NIPAL1: variants seen among roughly 807,000 people sequenced by gnomAD.
NIPAL1 encodes the protein NIPA like domain containing 1.
In NIPAL1, 35 loss-of-function variants were observed where a neutral mutation model predicts 37.7. That is an observed-to-expected ratio of 0.93 (90% CI 0.71 to 1.23). The LOEUF (loss-of-function observed/expected upper bound fraction) is 1.23. Ranked by LOEUF, NIPAL1 falls within the 50% of genes most tolerant of loss-of-function variation. The probability of loss-of-function intolerance (pLI) is 0.00; values close to 1 mark genes in which losing one functional copy is unlikely to be tolerated. For missense variants in NIPAL1, 412 were observed against 473.9 expected (o/e 0.87, Z 1.21); for synonymous variants, 162 against 183.0 (o/e 0.89, Z 0.93).
rs1238664690 is a variant in NIPAL1 at position 48,027,257 on chromosome 4, A to G, written c.313+1923A>G. 6.6e-6 allele frequency among the ~76,000 whole-genome samples: 1 copy of G among 152,208 alleles called. No individual in the cohort carries two copies. Among genetic ancestry groups the G allele is most frequent in the Non-Finnish European group, 1.5e-5 (1 of 68,026 alleles). ...CAATAAGTAAAAAGGTTAGTACCCT[A>G]ACAGAAAATAGACATGGCATATAAA... On this transcript the variant is annotated intron_variant, in intron 2 of 5. Coordinates refer to ENST00000295461, the MANE Select transcript of NIPAL1 (RefSeq NM_207330.3). The surrounding 1 kb of genome is among the most constrained non-coding windows in gnomAD (Gnocchi z 4.1).
intron 1 of NIPAL1, among the ~76,000 whole-genome samples, chr4:48,024,208 A>T (rs1715635078): frequency 6.6e-6 from 1 of 151,268 alleles, no homozygotes; most frequent in Non-Finnish European, 1.5e-5. Flanking sequence ...CGAACTCCTG[A>T]TCTCAAGTGA....
chr4:48,033,836 CTACTAAAT>C (rs1301701788), intron 4 of NIPAL1, among the ~76,000 whole-genome samples: 1 of 152,144 alleles, frequency 6.6e-6, no homozygotes, highest in Non-Finnish European at 1.5e-5. Flanking sequence ...ATGATTGAGC[CTACTAAAT>C]TCTTTTTAGC....
chr4:48,016,976 G>C (rs190716929), intron 1 of NIPAL1, 91 bp downstream of exon 1: 2 of 1,102,338 alleles, frequency 1.8e-6, no homozygotes, highest in South Asian at 2.8e-5. Flanking sequence ...GACTGGAAAG[G>C]GGGGCTGTAC....
At position 48,035,759 on chromosome 4, in the gene NIPAL1, C is replaced by A; in HGVS notation, c.820C>A (p.Pro274Thr). The change falls in exon 6 of 6, where the codon CCG becomes ACG. Residue 274 changes from proline to threonine, a missense_variant. Coordinates refer to ENST00000295461, the MANE Select transcript of NIPAL1 (RefSeq NM_207330.3). The part of the protein sequence containing the change: ...LIEWKPVYKH[P>T]LVFVLLAVLV... The stretch of plus-strand genomic sequence containing the variant: ...AGAATGGAAGCCAGTTTACAAACAT[C>A]CGCTGGTCTTTGTTTTGCTGGCTGT... 1 of 1,614,164 alleles carries A rather than the reference C, an allele frequency of 6.2e-7. No homozygotes were observed. Among genetic ancestry groups the A allele is most frequent in the Non-Finnish European group, 8.5e-7 (1 of 1,179,996 alleles).
chr4:48,031,178 C>T (rs1465289492), intron 3 of NIPAL1, among the ~76,000 whole-genome samples: 1 of 152,070 alleles, frequency 6.6e-6, no homozygotes, highest in Non-Finnish European at 1.5e-5. Context: ...GATTCTCCTG[C>T]CTCAGCCTCC....
chr4:48,028,425 C>G (rs916133850), intron 2 of NIPAL1, among the ~76,000 whole-genome samples: 1 of 152,052 alleles, frequency 6.6e-6, no homozygotes, highest in African/African-American at 2.4e-5. Flanking sequence ...AAAACCTACT[C>G]AAGATGGATT....
chr4:48,036,296 G>A lies in NIPAL1; in HGVS notation c.*124G>A, dbSNP rs1715944897. Reference sequence around the variant, plus strand: ...GCAGTTCTAACTAATTTAGATGTGAGGCCAAGTAAAAATGCCATTTTTTTG... The same window carrying A: ...GCAGTTCTAACTAATTTAGATGTGAAGCCAAGTAAAAATGCCATTTTTTTG... On this transcript the variant is annotated 3_prime_UTR_variant, in exon 6 of 6. Transcript: ENST00000295461. 3 of 894,176 alleles carry A rather than the reference G, an allele frequency of 3.4e-6. No individual in the cohort carries two copies. The highest frequency in any genetic ancestry group is 1.7e-6 in the Non-Finnish European group (1 of 602,970). 55.4% of individuals were successfully genotyped at this position (894,176 alleles called of 1,614,324 possible).
In NIPAL1 at chr4:48,034,954, T is replaced by C. The variant is rs61738811; in HGVS notation, c.535T>C (p.Leu179=). 2,068 of 1,612,456 alleles carry C rather than the reference T, an allele frequency of 1.3e-3. 25 individuals are homozygous for C. In the African/African-American group the frequency reaches 0.023, roughly 18 times the overall value. ...GAAAATAGGCTGCATATTAAGTATA[T>C]TGGGGTCAACTGTGATGGTTATCCA... ...HGKIGCILSI[L]GSTVMVIHAP... The change falls in exon 5 of 6, where the codon TTG becomes CTG. Residue 179 remains leucine, a synonymous_variant. Coordinates refer to ENST00000295461, the MANE Select transcript of NIPAL1 (RefSeq NM_207330.3).
Position 48,039,254 on chromosome 4 carries a change from GA to G in NIPAL1, c.*3084del, listed in dbSNP as rs1387136364. On this transcript the variant is annotated 3_prime_UTR_variant, in exon 6 of 6. Coordinates refer to ENST00000295461, the MANE Select transcript of NIPAL1 (RefSeq NM_207330.3). ...CAACTACCCCGGAGGCTGAGGCAGG[GA>G]ATTGCTTGAAGCAAGGAGGGGCAGG... The G allele has an allele frequency of 6.6e-6, 1 of 151,660 alleles. No individual in the cohort carries two copies. Among genetic ancestry groups the G allele is most frequent in the Non-Finnish European group, 1.5e-5 (1 of 68,006 alleles). 9.4% of individuals were successfully genotyped at this position (151,660 alleles called of 1,614,324 possible).
chr4:48,031,289 T>C (rs1006673878), intron 3 of NIPAL1, among the ~76,000 whole-genome samples: 1 of 152,096 alleles, frequency 6.6e-6, no homozygotes, highest in African/African-American at 2.4e-5. Context: ...GGTCTCGAAC[T>C]CCTGACCTCA....
chr4:48,020,058 C>A lies in NIPAL1; in HGVS notation c.46+3173C>A, dbSNP rs533198782. ...TGTTTGTTAATCCTATCTGCCCCCACTGGAATATAAGAGAGCGGGACCATT... is the reference window on the plus strand; with the variant it reads ...TGTTTGTTAATCCTATCTGCCCCCAATGGAATATAAGAGAGCGGGACCATT... On this transcript the variant is annotated intron_variant, in intron 1 of 5. Coordinates refer to ENST00000295461, the MANE Select transcript of NIPAL1 (RefSeq NM_207330.3). 1.2e-3 allele frequency among the ~76,000 whole-genome samples: 185 copies of A among 152,326 alleles called. 1 individual carries two copies. Among genetic ancestry groups the A allele is most frequent in the Middle Eastern group, 6.8e-3 (2 of 294 alleles).
At chr4:48,030,042 C>A in intron 2 of NIPAL1, 78 bp from the exon 3 acceptor site, 1 of 813,696 alleles carries the variant, frequency 1.2e-6, no homozygotes, top group Non-Finnish European at 2.1e-6. Flanking sequence ...ATCCAGTACG[C>A]TTCCTAGAAG....
rs530532521 is a variant in NIPAL1, at chr4:48,035,733, T to C, written c.794T>C (p.Ile265Thr). 6.8e-6 allele frequency: 11 copies of C among 1,614,122 alleles called. No homozygotes were observed. Among genetic ancestry groups the C allele is most frequent in the African/African-American group, 6.7e-5 (5 of 75,048 alleles). ...CTGGGAATTGCCATTAAGGAGCTGA[T>C]AGAATGGAAGCCAGTTTACAAACAT... Reference protein sequence around the residue: ...KGLGIAIKELIEWKPVYKHPL... With the variant: ...KGLGIAIKELTEWKPVYKHPL... Residue 265 changes from isoleucine (I) to threonine (T), a missense_variant, in exon 6 of 6, where the codon ATA becomes ACA. Physicochemically the swap from Ile to Thr is moderately conservative, Grantham distance 89 (BLOSUM62 -1). Coordinates refer to ENST00000295461, the MANE Select transcript of NIPAL1 (RefSeq NM_207330.3).
intron 2 of NIPAL1, among the ~76,000 whole-genome samples, chr4:48,026,652 G>GA (rs1715693180): frequency 6.6e-6 from 1 of 151,980 alleles, no homozygotes; most frequent in South Asian, 2.1e-4. Flanking sequence ...AGAAAAACAT[G>GA]AAAGTTCTGC....
At chr4:48,017,414 C>T (rs1560320538) in intron 1 of NIPAL1, among the ~76,000 whole-genome samples, 1 of 152,226 alleles carries the variant, frequency 6.6e-6, no homozygotes, top group African/African-American at 2.4e-5. Context: ...CAAGTCTGGG[C>T]CGCCCACGTC....
chr4:48,032,844 A>G (rs1715851651), intron 3 of NIPAL1, 149 bp from the exon 4 acceptor site: 2 of 551,176 alleles, frequency 3.6e-6, no homozygotes, highest in Admixed American at 6.8e-5. Context: ...ATTATCTCCT[A>G]CCTGCTATAA....
chr4:48,018,286 G>A (rs760643054), intron 1 of NIPAL1, among the ~76,000 whole-genome samples: 11 of 120,666 alleles, frequency 9.1e-5, no homozygotes, highest in Non-Finnish European at 1.8e-4. Context: ...CCAAGGATCT[G>A]TAAGTAAGGA....
chr4:48,018,159 A>G (rs980643352), intron 1 of NIPAL1, among the ~76,000 whole-genome samples: 4 of 152,190 alleles, frequency 2.6e-5, no homozygotes, highest in South Asian at 4.1e-4. Flanking sequence ...AAAAACAAAA[A>G]TTTTAAGGCA....
chr4:48,035,796 CAGTA>C lies in NIPAL1; in HGVS notation c.859_862del (p.Val287LeufsTer19). ...GTTTTGCTGGCTGTACTTGTGCTTT[CAGTA>C]ACTACACAGATTAACTATCTCAACA... is the stretch of plus-strand genomic sequence containing the variant. On this transcript the variant is annotated frameshift_variant, in exon 6 of 6. Coordinates refer to ENST00000295461, the MANE Select transcript of NIPAL1 (RefSeq NM_207330.3). LOFTEE classifies it high-confidence loss of function. 10 of 1,614,204 alleles carry C rather than the reference CAGTA, an allele frequency of 6.2e-6. No homozygotes were observed. The highest frequency in any genetic ancestry group is 8.5e-6 in the Non-Finnish European group (10 of 1,180,038).
Sources: allele counts gnomAD v4.1 joint callset (sites outside exome capture counted in the v4.1 genomes callset), GRCh38; gene constraint gnomAD v4.1.1; non-coding constraint Gnocchi (gnomAD v3.1); transcripts MANE v1.5; gene names NCBI Gene and HGNC (gene_info 2026-07-23, HGNC 2026-07-21).